Variants in CEP78 observed in about 807,000 individuals in gnomAD.
CEP78 encodes centrosomal protein of 78 kDa.
CEP78 carries 76 observed loss-of-function variants against 81.2 expected under a neutral mutation model. The ratio of observed to expected loss-of-function variants is 0.94; its 90% CI spans 0.78 to 1.13. CEP78 has a LOEUF of 1.13. Ranked by LOEUF, CEP78 falls within the 50% of genes most tolerant of loss-of-function variation. CEP78 has a pLI of 0.00. For missense variants in CEP78, 918 were observed against 846.8 expected, an observed-to-expected ratio of 1.08 and a Z score of -1.04; for synonymous variants, 293 against 301.4, an observed-to-expected ratio of 0.97 and a Z score of 0.29.
intron 15 of CEP78, among the ~76,000 whole-genome samples, chr9:78,266,160 G>C (rs1827518374): frequency 6.6e-6 from 1 of 151,940 alleles, no homozygotes; most frequent in Non-Finnish European, 1.5e-5. Context: ...GTGCATAGAG[G>C]ATAGGAAAGA....
intron 16 of CEP78, among the ~76,000 whole-genome samples, chr9:78,269,456 T>C (rs946270614): frequency 5.9e-5 from 9 of 152,232 alleles, no homozygotes; most frequent in African/African-American, 2.2e-4. Flanking sequence ...CATCAGCACA[T>C]ATAAGCAGTA....
chr9:78,242,631 G>C (rs1303826510), intron 4 of CEP78, among the ~76,000 whole-genome samples: 1 of 152,160 alleles, frequency 6.6e-6, no homozygotes, highest in African/African-American at 2.4e-5. Flanking sequence ...CTTTTATACA[G>C]TTATTATGAA....
At chr9:78,241,850 G>A (rs374504625) in intron 4 of CEP78, 51 bp downstream of exon 4, 51 of 1,007,536 alleles carry the variant, frequency 5.1e-5, no homozygotes, top group African/African-American at 1.6e-4. Flanking sequence ...ATTGCCACAC[G>A]TTAATATTTT....
At chr9:78,246,123 A>G (rs1443074064) in intron 5 of CEP78, among the ~76,000 whole-genome samples, 1 of 152,150 alleles carries the variant, frequency 6.6e-6, no homozygotes, top group Non-Finnish European at 1.5e-5. Flanking sequence ...TGGGTAATTT[A>G]TTGGTACTAA....
chr9:78,271,473 GAA>G lies in CEP78; in HGVS notation c.*628_*629del, dbSNP rs1223410338. 6.6e-6 allele frequency: 1 copy of G among 152,002 alleles called. No homozygotes were observed. Among genetic ancestry groups the G allele is most frequent in the East Asian group, 1.9e-4 (1 of 5,194 alleles). The allele number at this position is 152,002 out of a possible 1,614,324, so 9.4% of individuals were successfully genotyped here. A position where few individuals can be genotyped will look rare whatever the true frequency, so the allele number is the denominator to read the frequency against. ...GTGTTCATAAAGAATAGGATGCCATGAAAAAAATATTTAGAGTTTCTGGAAAT... is the reference window on the plus strand; with the variant it reads ...GTGTTCATAAAGAATAGGATGCCATGAAAAATATTTAGAGTTTCTGGAAAT... On this transcript the variant is annotated 3_prime_UTR_variant, in exon 17 of 17. Coordinates refer to ENST00000643273, the MANE Select transcript of CEP78 (RefSeq NM_001330691.3).
chr9:78,243,527 T>C lies in CEP78; in HGVS notation c.669T>C (p.Leu223=), dbSNP rs1178133193. The change falls in exon 5 of 17, where the codon CTT becomes CTC. Residue 223 remains leucine (L), a synonymous_variant. Transcript: ENST00000643273. ...AESLRYRRPD[L]DCMAGLRRIT... is the part of the protein sequence containing the mutation. The stretch of plus-strand genomic sequence containing the variant: ...GTCTTCGCTATAGGAGACCTGATCT[T>C]GACTGTATGGCTGGCTTAAGACGTA... 6.2e-7 allele frequency: 1 copy of C among 1,613,784 alleles called. No homozygotes were observed. Among genetic ancestry groups the C allele is most frequent in the Non-Finnish European group, 8.5e-7 (1 of 1,179,830 alleles).
Position 78,238,537 on chromosome 9 carries a change from G to A in CEP78, c.254-1486G>A, listed in dbSNP as rs374648459. On this transcript the variant is annotated intron_variant, in intron 1 of 16. Transcript: ENST00000643273. Reference sequence around the variant, plus strand: ...GTTTATAAGCTGAGAGAAAGAGGGAGGGTGTGCGATCTGGGAGAGGAAATG... The same window carrying A: ...GTTTATAAGCTGAGAGAAAGAGGGAAGGTGTGCGATCTGGGAGAGGAAATG... Among the ~76,000 whole-genome samples, 77 of 152,186 alleles carry A rather than the reference G, an allele frequency of 5.1e-4. 1 individual carries two copies. The South Asian group carries it at 0.016, about 31-fold the overall frequency.
At chr9:78,254,665 A>G (rs1237434233) in intron 10 of CEP78, 171 bp from the exon 11 acceptor site, 1 of 339,408 alleles carries the variant, frequency 2.9e-6, no homozygotes, top group Non-Finnish European at 5.3e-6. Flanking sequence ...TGACATAGCA[A>G]GAATAAGTTA....
chr9:78,267,027 G>A (rs1029784329), intron 16 of CEP78: 3 of 1,268,796 alleles, frequency 2.4e-6, no homozygotes, highest in Non-Finnish European at 2.1e-6. Context: ...TTGAAACTAT[G>A]TTTTTACCTT....
rs1827848674 is a variant in CEP78 at position 78,278,525 on chromosome 9, T to C, written c.*7674T>C. On this transcript the variant is annotated 3_prime_UTR_variant, in exon 17 of 17. Coordinates refer to ENST00000643273, the MANE Select transcript of CEP78 (RefSeq NM_001330691.3). ...GATTGTACTTCTAGTGACTAATTCA[T>C]GTTCTGTTCTATTCCTTGCCTTTAA... 2 of 152,364 alleles carry C rather than the reference T, an allele frequency of 1.3e-5. No homozygotes were observed. The highest frequency in any genetic ancestry group is 2.1e-4 in the South Asian group (1 of 4,830). The allele number at this position is 152,364 out of a possible 1,614,324, so 9.4% of individuals were successfully genotyped here.
chr9:78,271,948 C>T lies in CEP78; in HGVS notation c.*1097C>T, dbSNP rs935587848. The T allele has an allele frequency of 6.6e-6, 1 of 151,930 alleles. No individual in the cohort carries two copies. Among genetic ancestry groups the T allele is most frequent in the Non-Finnish European group, 1.5e-5 (1 of 68,162 alleles). 9.4% of individuals were successfully genotyped at this position (151,930 alleles called of 1,614,324 possible). A position where few individuals can be genotyped will look rare whatever the true frequency, so the allele number is the denominator to read the frequency against. ...TGAGACGGAGTCTCGCTCTATTGCC[C>T]AGGCTGGAGTGCAGTGGTACAATCT... On this transcript the variant is annotated 3_prime_UTR_variant, in exon 17 of 17. Transcript: ENST00000643273.
chr9:78,257,717 T>A (rs1217843437), intron 11 of CEP78, among the ~76,000 whole-genome samples: 1 of 152,172 alleles, frequency 6.6e-6, no homozygotes. Flanking sequence ...CTACCACTGA[T>A]GTACAAAAGG....
chr9:78,266,943 G>A, intron 16 of CEP78: 1 of 1,417,962 alleles, frequency 7.1e-7, no homozygotes, highest in Non-Finnish European at 9.1e-7. Flanking sequence ...TTCTGAAAGT[G>A]ATACTCTTGG....
At position 78,244,316 on chromosome 9, in the gene CEP78, C is replaced by T. The variant is rs150662448; in HGVS notation, c.778+680C>T. Among the ~76,000 whole-genome samples, 623 of 152,040 alleles carry T rather than the reference C, an allele frequency of 4.1e-3. 3 individuals carry two copies. Among genetic ancestry groups the T allele is most frequent in the African/African-American group, 0.014 (584 of 41,470 alleles). On this transcript the variant is annotated intron_variant, in intron 5 of 16. Coordinates refer to ENST00000643273, the MANE Select transcript of CEP78 (RefSeq NM_001330691.3). ...CATGCCAGGCTAATTTTTGTGGAGA[C>T]AGGGTCTTGCTGTGTTGCCCAGGCT...
At chr9:78,263,182 A>C (rs781345884) in intron 12 of CEP78, among the ~76,000 whole-genome samples, 198 bp downstream of exon 12, 1 of 152,138 alleles carries the variant, frequency 6.6e-6, no homozygotes, top group Non-Finnish European at 1.5e-5. Flanking sequence ...GTTTTTTAAA[A>C]ATGTAAAAAT....
Position 78,272,771 on chromosome 9 carries a change from A to C in CEP78, c.*1920A>C, listed in dbSNP as rs1262697322. On this transcript the variant is annotated 3_prime_UTR_variant, in exon 17 of 17. Coordinates refer to ENST00000643273, the MANE Select transcript of CEP78 (RefSeq NM_001330691.3). ...TTTGGCAGATTGGCTAGAGGCCCCTATTCAACATCAACCTCAATCTGGAAG... is the reference window on the plus strand; with the variant it reads ...TTTGGCAGATTGGCTAGAGGCCCCTCTTCAACATCAACCTCAATCTGGAAG... 1 of 152,252 alleles carries C rather than the reference A, an allele frequency of 6.6e-6. No individual in the cohort carries two copies. The highest frequency in any genetic ancestry group is 2.4e-5 in the African/African-American group (1 of 41,464). The allele number at this position is 152,252 out of a possible 1,614,324, so 9.4% of individuals were successfully genotyped here.
In CEP78 at chr9:78,274,288, CAG is replaced by C. The variant is rs1322430726; in HGVS notation, c.*3439_*3440del. On this transcript the variant is annotated 3_prime_UTR_variant, in exon 17 of 17. Coordinates refer to ENST00000643273, the MANE Select transcript of CEP78 (RefSeq NM_001330691.3). ...TCTTGAAAAGACAAAACTATAGTGA[CAG>C]AACAGATTGGAGATTGCCAGGTGTT... 6.6e-6 allele frequency: 1 copy of C among 152,074 alleles called. No individual in the cohort carries two copies. The highest frequency in any genetic ancestry group is 1.9e-4 in the East Asian group (1 of 5,178). The allele number at this position is 152,074 out of a possible 1,614,324, so 9.4% of individuals were successfully genotyped here. A position where few individuals can be genotyped will look rare whatever the true frequency, so the allele number is the denominator to read the frequency against.
At chr9:78,258,386 A>C (rs1249471324) in intron 11 of CEP78, among the ~76,000 whole-genome samples, 4 of 152,224 alleles carry the variant, frequency 2.6e-5, no homozygotes, top group South Asian at 2.1e-4. Context: ...TGGAAGGTGG[A>C]CACAGGTGGA....
intron 7 of CEP78, 86 bp from the exon 8 acceptor site, chr9:78,248,674 CAT>C (rs1826614065): frequency 5.5e-6 from 4 of 729,156 alleles, no homozygotes; most frequent in Non-Finnish European, 6.9e-6. Context: ...CTTTTATTAA[CAT>C]AGAGTATCTT....
Sources: gnomAD v4.1 joint callset for allele counts (sites outside exome capture counted in the v4.1 genomes callset) on GRCh38, gnomAD v4.1.1 for gene constraint, MANE v1.5 for transcripts, NCBI Gene and HGNC (gene_info 2026-07-23, HGNC 2026-07-21) for gene names.